Variants in ZBTB7C observed in about 807,000 individuals in gnomAD.
ZBTB7C encodes zinc finger and BTB domain containing 7C.
In ZBTB7C, 8 loss-of-function variants were observed where a neutral mutation model predicts 25.7. The ratio of observed to expected loss-of-function variants is 0.31; its 90% CI spans 0.18 to 0.56. The LOEUF (loss-of-function observed/expected upper bound fraction) is 0.56, where lower values mean the gene tolerates loss of function less well. Among genes scored for constraint, ZBTB7C ranks in the 20% least tolerant of loss-of-function variants. ZBTB7C has a pLI of 0.91. For missense variants in ZBTB7C, 824 were observed against 855.2 expected (o/e 0.96, Z 0.46); for synonymous variants, 394 against 369.0 (o/e 1.07, Z -0.78).
chr18:48,214,517 G>C (rs116737378), intron 2 of ZBTB7C, among the ~76,000 whole-genome samples: 2,619 of 152,344 alleles, frequency 0.017, 81 homozygotes, highest in African/African-American at 0.06. Flanking sequence ...ATGCAGTAAA[G>C]AAGCTGGTTA....
chr18:48,223,058 A>G (rs948101576), intron 2 of ZBTB7C, among the ~76,000 whole-genome samples: 5 of 152,170 alleles, frequency 3.3e-5, no homozygotes, highest in African/African-American at 1.2e-4. Context: ...AATCCTGAAG[A>G]CTAAATTAAC....
intron 2 of ZBTB7C, among the ~76,000 whole-genome samples, chr18:48,301,292 A>G (rs2045537282): frequency 6.6e-6 from 1 of 152,216 alleles, no homozygotes. Context: ...CAGCCTGGTC[A>G]ACATGGCAAA....
intron 1 of ZBTB7C, among the ~76,000 whole-genome samples, chr18:48,402,779 T>C (rs1446808574): frequency 6.6e-6 from 1 of 152,246 alleles, no homozygotes; most frequent in Non-Finnish European, 1.5e-5. Flanking sequence ...AAAAAAAGAC[T>C]GGAAGGAAAT....
chr18:48,294,060 A>G (rs1198943416), intron 2 of ZBTB7C, among the ~76,000 whole-genome samples: 1 of 152,226 alleles, frequency 6.6e-6, no homozygotes, highest in Admixed American at 6.5e-5. Context: ...ATTAGCACGA[A>G]TGCGGTGTTT....
At chr18:48,214,761 T>C (rs555975403) in intron 2 of ZBTB7C, among the ~76,000 whole-genome samples, 1 of 152,370 alleles carries the variant, frequency 6.6e-6, no homozygotes, top group African/African-American at 2.4e-5. Flanking sequence ...TGGTAGCATG[T>C]GTCAAAATTC....
intron 2 of ZBTB7C, among the ~76,000 whole-genome samples, chr18:48,231,921 G>A (rs909516228): frequency 6.6e-6 from 1 of 152,210 alleles, no homozygotes; most frequent in Non-Finnish European, 1.5e-5. Context: ...CAGGGAGCTG[G>A]TACCTGTGCC....
intron 3 of ZBTB7C, among the ~76,000 whole-genome samples, chr18:48,116,000 G>A (rs2039425400): frequency 6.6e-6 from 1 of 151,954 alleles, no homozygotes; most frequent in African/African-American, 2.4e-5. Flanking sequence ...GGGTTCACAG[G>A]AGTTTATGTT....
chr18:48,374,447 A>T (rs530520032), intron 1 of ZBTB7C: 2 of 152,384 alleles, frequency 1.3e-5, no homozygotes, highest in African/African-American at 4.8e-5. Flanking sequence ...TGTCTGCCGT[A>T]GGCTCTATGC....
chr18:48,290,180 G>T (rs2045180207), intron 2 of ZBTB7C, among the ~76,000 whole-genome samples: 1 of 152,222 alleles, frequency 6.6e-6, no homozygotes, highest in Non-Finnish European at 1.5e-5. Flanking sequence ...GAAGGAAGGA[G>T]ACTTAAAGCA....
intron 4 of ZBTB7C, among the ~76,000 whole-genome samples, chr18:48,036,002 G>A (rs1165674525): frequency 3.9e-5 from 6 of 152,252 alleles, no homozygotes; most frequent in Non-Finnish European, 8.8e-5. Context: ...GAACTAAACC[G>A]AGGGAGTGCA....
At chr18:48,031,580 T>C (rs4313606) in intron 4 of ZBTB7C, among the ~76,000 whole-genome samples, 140,646 of 152,282 alleles carry the variant, frequency 0.92, 65,066 homozygotes, top group African/African-American at 0.98. Flanking sequence ...AACTTAAGGA[T>C]GCATTCGAAC....
At chr18:48,294,801 T>A (rs55841020) in intron 2 of ZBTB7C, among the ~76,000 whole-genome samples, 17,898 of 152,146 alleles carry the variant, frequency 0.12, 1,336 homozygotes, top group Non-Finnish European at 0.17. Flanking sequence ...CTTGGCTCCA[T>A]GAGTCAGCTA....
intron 3 of ZBTB7C, among the ~76,000 whole-genome samples, chr18:48,176,617 G>A (rs1286385701): frequency 2.8e-4 from 1 of 3,530 alleles, no homozygotes; most frequent in Non-Finnish European, 5.2e-4. Context: ...GGAAATACAC[G>A]TGTGTGTGTG....
chr18:48,041,977 G>T (rs1383430008), intron 3 of ZBTB7C, among the ~76,000 whole-genome samples: 1 of 152,142 alleles, frequency 6.6e-6, no homozygotes, highest in Non-Finnish European at 1.5e-5. Context: ...CATTGTATAT[G>T]TTATACATAA....
intron 1 of ZBTB7C, among the ~76,000 whole-genome samples, chr18:48,373,519 A>G (rs1454023911): frequency 6.6e-6 from 1 of 152,036 alleles, no homozygotes; most frequent in Non-Finnish European, 1.5e-5. Context: ...TCCTGCCCAA[A>G]TCTCATGTTG....
chr18:48,311,004 G>T (rs926435037), intron 2 of ZBTB7C, among the ~76,000 whole-genome samples: 36 of 152,174 alleles, frequency 2.4e-4, no homozygotes, highest in Admixed American at 6.5e-4. Context: ...TGCAGTCTTT[G>T]CTCACCATTC....
intron 3 of ZBTB7C, among the ~76,000 whole-genome samples, chr18:48,170,680 G>A (rs972983512): frequency 1.1e-4 from 17 of 152,164 alleles, no homozygotes; most frequent in African/African-American, 4.1e-4. Context: ...AGAGTAAGCA[G>A]GTACTCTTGG....
intron 3 of ZBTB7C, among the ~76,000 whole-genome samples, chr18:48,141,564 C>CCG (rs2040350198): frequency 1.4e-5 from 2 of 147,684 alleles, no homozygotes; most frequent in African/African-American, 5.3e-5. Context: ...GTGAACTGGG[C>CCG]GGGGGGGAAA....
In ZBTB7C at chr18:48,396,720, T is replaced by C. The variant is rs571222791; in HGVS notation, c.-304+12506A>G. Among the ~76,000 whole-genome samples, 6 of 152,342 alleles carry C rather than the reference T, an allele frequency of 3.9e-5. No homozygotes were observed. The East Asian group carries it at 9.6e-4, about 24-fold the overall frequency. ...GTTAGCCTTCAACTCCTTCACTCTG[T>C]TCCTGTCCACTCATCACCCCAACAA... On this transcript the variant is annotated intron_variant, in intron 1 of 4. Coordinates refer to ENST00000590800, the MANE Select transcript of ZBTB7C (RefSeq NM_001318841.2).
Sources: allele counts gnomAD v4.1 joint callset (sites outside exome capture counted in the v4.1 genomes callset), GRCh38; gene constraint gnomAD v4.1.1; transcripts MANE v1.5; gene names NCBI Gene and HGNC (gene_info 2026-07-23, HGNC 2026-07-21).